The following DNM3 variants were observed in gnomAD, a reference collection of about 807,000 sequenced individuals.
The protein encoded by DNM3 is dynamin-3.
A neutral mutation model predicts 101.6 loss-of-function variants in DNM3; 47 were observed. That is an observed-to-expected ratio of 0.46 (90% confidence interval 0.37 to 0.59). The LOEUF is 0.59. Ranked by LOEUF, DNM3 falls within the 20% of genes least tolerant of loss-of-function variation. DNM3 has a pLI of 0.00. For missense variants in DNM3, 849 were observed against 1,085.7 expected (o/e 0.78, Z 3.06); for synonymous variants, 385 against 387.9 (o/e 0.99, Z 0.09).
chr1:171,855,304 G>A (rs893699597), intron 1 of DNM3, among the ~76,000 whole-genome samples: 2 of 152,146 alleles, frequency 1.3e-5, no homozygotes, highest in African/African-American at 4.8e-5. Context: ...TTGATTCCAT[G>A]TCCTTGCTAT....
intron 1 of DNM3, among the ~76,000 whole-genome samples, chr1:171,873,758 T>C (rs1266964375): frequency 6.6e-6 from 1 of 152,214 alleles, no homozygotes; most frequent in African/African-American, 2.4e-5. Flanking sequence ...CTTTTCTCGT[T>C]CTCCACGAAG....
At chr1:172,117,665 A>G (rs2147991816) in intron 13 of DNM3, among the ~76,000 whole-genome samples, 1 of 152,272 alleles carries the variant, frequency 6.6e-6, no homozygotes, top group South Asian at 2.1e-4. Context: ...GTGAAAATGG[A>G]CTAATAGTGA....
intron 17 of DNM3, among the ~76,000 whole-genome samples, chr1:172,349,739 T>C (rs899086236): frequency 6.6e-6 from 1 of 152,184 alleles, no homozygotes; most frequent in African/African-American, 2.4e-5. Context: ...CAATGTTCAC[T>C]AAGCTTCTAA....
At chr1:172,135,818 G>A (rs2057193281) in intron 14 of DNM3, among the ~76,000 whole-genome samples, 2 of 151,836 alleles carry the variant, frequency 1.3e-5, no homozygotes, top group South Asian at 4.2e-4. Context: ...GAGAATGGGA[G>A]ACCCTGATTC....
chr1:172,242,381 G>A (rs996631306), intron 14 of DNM3, among the ~76,000 whole-genome samples: 25 of 152,238 alleles, frequency 1.6e-4, no homozygotes, highest in African/African-American at 6.0e-4. Flanking sequence ...CTTGTCTCCT[G>A]CTGAAGGTAA....
intron 17 of DNM3, among the ~76,000 whole-genome samples, chr1:172,367,369 G>A (rs1466053691): frequency 4.0e-5 from 6 of 151,782 alleles, no homozygotes; most frequent in Non-Finnish European, 7.4e-5. Context: ...TCCTACACAT[G>A]GAAGCAAAAG....
At chr1:172,148,157 T>G (rs932245622) in intron 14 of DNM3, among the ~76,000 whole-genome samples, 2 of 152,126 alleles carry the variant, frequency 1.3e-5, no homozygotes, top group African/African-American at 2.4e-5. Context: ...ATATTTCCTG[T>G]TGTTAAAATG....
intron 16 of DNM3, among the ~76,000 whole-genome samples, chr1:172,321,607 T>C (rs2065721411): frequency 6.6e-6 from 1 of 152,190 alleles, no homozygotes; most frequent in Non-Finnish European, 1.5e-5. Context: ...GTGTTTCTTG[T>C]ATTTAAGGAT....
intron 2 of DNM3, among the ~76,000 whole-genome samples, chr1:171,951,984 A>T (rs895244139): frequency 1.2e-4 from 18 of 152,324 alleles, no homozygotes; most frequent in Admixed American, 6.5e-4. Context: ...TCATAGGTAG[A>T]TTCAAAGATT....
At chr1:172,337,872 T>TTTTA (rs1558013777) in intron 17 of DNM3, among the ~76,000 whole-genome samples, 1 of 80,626 alleles carries the variant, frequency 1.2e-5, no homozygotes. Context: ...TTTATTTTTA[T>TTTTA]TTTATTTTAT....
At position 172,343,193 on chromosome 1, in the gene DNM3, G is replaced by A. The variant is rs551727517; in HGVS notation, c.1893+19853G>A. Among the ~76,000 whole-genome samples the A allele has an allele frequency of 6.6e-5, 10 of 152,268 alleles. No homozygotes were observed. The South Asian group carries it at 8.3e-4, about 13-fold the overall frequency. ...CTTTAACAAAGCATTCTGGGCAGGG[G>A]GTTGGGGAATAGAGAAGCTTTAACT... is the stretch of plus-strand genomic sequence containing the variant. On this transcript the variant is annotated intron_variant, in intron 17 of 20. Transcript: ENST00000627582.
At chr1:171,900,471 G>A (rs1452440842) in intron 1 of DNM3, among the ~76,000 whole-genome samples, 1 of 152,146 alleles carries the variant, frequency 6.6e-6, no homozygotes, top group Non-Finnish European at 1.5e-5. Context: ...GAAGACAGGC[G>A]AGGAGACAGA....
At chr1:172,238,520 A>G (rs1557864822) in intron 14 of DNM3, among the ~76,000 whole-genome samples, 1 of 152,164 alleles carries the variant, frequency 6.6e-6, no homozygotes, top group East Asian at 1.9e-4. Flanking sequence ...ATTTATTCTA[A>G]TTATGCATGA....
chr1:172,211,705 C>A (rs747492911), intron 14 of DNM3, among the ~76,000 whole-genome samples: 2 of 151,854 alleles, frequency 1.3e-5, no homozygotes, highest in Non-Finnish European at 2.9e-5. Context: ...AGATGAACAG[C>A]GAAAGGAAAA....
rs1044334889 is a variant in DNM3, at chr1:172,313,850, G to T, written c.1881+5011G>T. 3.9e-5 allele frequency among the ~76,000 whole-genome samples: 6 copies of T among 151,996 alleles called. No individual in the cohort carries two copies. In the East Asian group the frequency reaches 9.7e-4, roughly 25 times the overall value. On this transcript the variant is annotated intron_variant, in intron 16 of 20. Transcript: ENST00000627582. The stretch of plus-strand genomic sequence containing the variant: ...CTAGGATACATGTGCAGAATGTGCA[G>T]GTTTGTTACATAGGTATACGTGTGC...
chr1:172,411,425 G>A lies in DNM3; in HGVS notation c.*3584G>A. The A allele has an allele frequency of 3.0e-6, 3 of 984,716 alleles. No homozygotes were observed. The highest frequency in any genetic ancestry group is 1.0e-3 in the Middle Eastern group (2 of 1,910). 61.0% of individuals were successfully genotyped at this position (984,716 alleles called of 1,614,324 possible). ...TTTTTCGGTAAGAAGTAAAACCTCT[G>A]GAGACCTATCTTTAAGATCTCTAAT... On this transcript the variant is annotated 3_prime_UTR_variant, in exon 21 of 21. Coordinates refer to ENST00000627582, the MANE Select transcript of DNM3 (RefSeq NM_015569.5).
chr1:172,148,434 A>T lies in DNM3; in HGVS notation c.1659+17146A>T, dbSNP rs190529955. ...ATAACTTAAGAATTACAGCTCTCTT[A>T]AAAAAATCATAAATAAAAAACATAG... On this transcript the variant is annotated intron_variant, in intron 14 of 20. Transcript: ENST00000627582. 9.6e-3 allele frequency among the ~76,000 whole-genome samples: 1,458 copies of T among 152,134 alleles called. 20 individuals carry two copies. Among genetic ancestry groups the T allele is most frequent in the African/African-American group, 0.033 (1,370 of 41,518 alleles).
intron 14 of DNM3, among the ~76,000 whole-genome samples, chr1:172,207,007 C>T (rs191984466): frequency 3.1e-4 from 47 of 152,132 alleles, no homozygotes; most frequent in Admixed American, 1.1e-3. Flanking sequence ...ATTTCTCTAC[C>T]ACCCACAAAT....
In DNM3 at chr1:172,192,439, A is replaced by G. The variant is rs1416015894; in HGVS notation, c.1660-61134A>G. Among the ~76,000 whole-genome samples the G allele has an allele frequency of 4.0e-5, 6 of 150,270 alleles. No homozygotes were observed. In the South Asian group the frequency reaches 6.3e-4, roughly 16 times the overall value. On this transcript the variant is annotated intron_variant, in intron 14 of 20. Transcript: ENST00000627582. Reference sequence around the variant, plus strand: ...TGTGCACATTGTGCAGGTTAGTTACATATGTATACATGTGCCATGCTGGTG... The same window carrying G: ...TGTGCACATTGTGCAGGTTAGTTACGTATGTATACATGTGCCATGCTGGTG...
Sources: allele counts gnomAD v4.1 joint callset (sites outside exome capture counted in the v4.1 genomes callset), GRCh38; gene constraint gnomAD v4.1.1; transcripts MANE v1.5; gene names NCBI Gene and HGNC (gene_info 2026-07-23, HGNC 2026-07-21).